NOS3: variants seen among roughly 807,000 people sequenced by gnomAD.
NOS3 encodes the protein nitric oxide synthase 3, also known as NOS type III.
A neutral mutation model predicts 144.9 loss-of-function variants in NOS3; 98 were observed. The observed-to-expected ratio is 0.68, with a 90% CI of 0.57 to 0.80. The LOEUF (loss-of-function observed/expected upper bound fraction) is 0.80, where lower values mean the gene tolerates loss of function less well. NOS3 is among the 30% of genes least tolerant of loss of function. NOS3 has a pLI of 0.00. For missense variants in NOS3, 1,465 were observed against 1,656.4 expected, an observed-to-expected ratio of 0.88 and a Z score of 2.01; for synonymous variants, 714 against 702.4, an observed-to-expected ratio of 1.02 and a Z score of -0.26.
At position 150,991,088 on chromosome 7, in the gene NOS3, A is replaced by C. The variant is rs551962759; in HGVS notation, c.-264A>C. ...CTAGGGGCAAGGAGACGAAGAGAAC[A>C]TGAAAGTTAAACTTTAAGATGAAGA... On this transcript the variant is annotated 5_prime_UTR_variant, in exon 1 of 27. An upstream start codon of the reference 5' UTR is lost. Coordinates refer to ENST00000297494, the MANE Select transcript of NOS3 (RefSeq NM_000603.5). 57 of 152,408 alleles carry C rather than the reference A, an allele frequency of 3.7e-4. No homozygotes were observed. The highest frequency in any genetic ancestry group is 1.3e-3 in the African/African-American group (52 of 41,588). 9.4% of individuals were successfully genotyped at this position (152,408 alleles called of 1,614,324 possible).
rs959698159 is a variant in NOS3, at chr7:150,997,850, C to T, written c.583-507C>T. Among the ~76,000 whole-genome samples, 7 of 152,308 alleles carry T rather than the reference C, an allele frequency of 4.6e-5. No individual in the cohort carries two copies. The East Asian group carries it at 1.3e-3, about 29-fold the overall frequency. On this transcript the variant is annotated intron_variant, in intron 5 of 26. Transcript: ENST00000297494. ...TGTCACTGACACATGTTTCCTCCTC[C>T]CTCAGGCAGGAGTGGGACCTCCCAG...
rs748835278 is a variant in NOS3, at chr7:151,010,671, G to A, written c.2760G>A (p.Ser920=). The A allele has an allele frequency of 5.5e-5, 89 of 1,608,470 alleles. No individual in the cohort carries two copies. The highest frequency in any genetic ancestry group is 7.0e-5 in the Non-Finnish European group (83 of 1,177,928). ...TGGAGGTGCTGGAGCAGTTCCCGTC[G>A]GTGGCGCTGCCTGCCCCACTGCTCC... ...TLLEVLEQFP[S]VALPAPLLLT... The change falls in exon 22 of 27, where the codon TCG becomes TCA. Residue 920 remains serine, a synonymous_variant. Coordinates refer to ENST00000297494, the MANE Select transcript of NOS3 (RefSeq NM_000603.5).
rs181342641 is a variant in NOS3, at chr7:151,002,228, T to C, written c.1676T>C (p.Val559Ala). 1 of 1,600,206 alleles carries C rather than the reference T, an allele frequency of 6.2e-7. No individual in the cohort carries two copies. The highest frequency in any genetic ancestry group is 2.2e-5 in the East Asian group (1 of 44,598). ...RVLCMDEYDV[V>A]SLEHETLVLV... ...CTGTGTATGGATGAGTATGACGTGG[T>C]GTCCCTCGAACACGAGACGCTGGTG... is the stretch of plus-strand genomic sequence containing the variant. Residue 559 changes from valine (V) to alanine (A), a missense_variant, in exon 14 of 27, where the codon GTG becomes GCG. Val to Ala is a moderately conservative substitution (Grantham distance 64, BLOSUM62 0). Around this residue, in one of 5 missense-constraint regions of NOS3, gnomAD observed 745 missense variants for 853.9 expected, o/e 0.87. Coordinates refer to ENST00000297494, the MANE Select transcript of NOS3 (RefSeq NM_000603.5). The surrounding 1 kb of genome is among the most constrained non-coding windows in gnomAD (Gnocchi z 4.1).
In NOS3 at chr7:151,011,127, T is replaced by C. The variant is rs149641163; in HGVS notation, c.2984+141T>C. 1.2e-3 allele frequency: 750 copies of C among 633,424 alleles called. 8 individuals are homozygous for C. The East Asian group carries it at 0.018, about 15-fold the overall frequency. 39.2% of individuals were successfully genotyped at this position (633,424 alleles called of 1,614,324 possible). A position where few individuals can be genotyped will look rare whatever the true frequency, so the allele number is the denominator to read the frequency against. ...CAAGGGTGTGGTGTCATTAGGTCAC[T>C]TCAGAACTCTGGCTAAGCTTTGGCT... On this transcript the variant is annotated intron_variant, in intron 23 of 26. Coordinates refer to ENST00000297494, the MANE Select transcript of NOS3 (RefSeq NM_000603.5).
Position 150,993,777 on chromosome 7 carries a change from C to G in NOS3, c.-27C>G, listed in dbSNP as rs768650220. ...GGAAAAGGCCAGGGCTCTGCTGGAGCAGGCAGCAGAGTGGACGCACAGTAA... is the reference window on the plus strand; with the variant it reads ...GGAAAAGGCCAGGGCTCTGCTGGAGGAGGCAGCAGAGTGGACGCACAGTAA... On this transcript the variant is annotated 5_prime_UTR_variant, in exon 2 of 27. Transcript: ENST00000297494. The surrounding 1 kb of genome is among the most constrained non-coding windows in gnomAD (Gnocchi z 4.0). The G allele has an allele frequency of 1.9e-6, 3 of 1,573,606 alleles. No homozygotes were observed. Among genetic ancestry groups the G allele is most frequent in the Non-Finnish European group, 2.6e-6 (3 of 1,167,170 alleles).
At position 150,998,472 on chromosome 7, in the gene NOS3, G is replaced by A; in HGVS notation, c.674+24G>A. ...CGGTGAGTGCCCCCCACCATGCCAG[G>A]CCCCAGCCTTCTTCCCCAAGGCAGG... On this transcript the variant is annotated intron_variant, in intron 6 of 26. Transcript: ENST00000297494. This position sits in a 1 kb window ranked among gnomAD's most constrained non-coding sequence, Gnocchi z 5.0. 6.2e-7 allele frequency: 1 copy of A among 1,611,582 alleles called. No homozygotes were observed.
chr7:150,998,914 C>G lies in NOS3; in HGVS notation c.817-32C>G, dbSNP rs1010513390. 1 of 1,595,628 alleles carries G rather than the reference C, an allele frequency of 6.3e-7. No individual in the cohort carries two copies. The highest frequency in any genetic ancestry group is 8.5e-7 in the Non-Finnish European group (1 of 1,172,266). On this transcript the variant is annotated intron_variant, in intron 7 of 26. Transcript: ENST00000297494. This position sits in a 1 kb window ranked among gnomAD's most constrained non-coding sequence, Gnocchi z 5.0. Reference sequence around the variant, plus strand: ...TCCCTGAGGAGGGCATGAGGCTCAGCCCCAGAACCCCCTCTGGCCCACTCC... The same window carrying G: ...TCCCTGAGGAGGGCATGAGGCTCAGGCCCAGAACCCCCTCTGGCCCACTCC...
chr7:151,002,288 C>T lies in NOS3; in HGVS notation c.1736C>T (p.Pro579Leu). Residue 579 changes from proline (P) to leucine (L), a missense_variant, in exon 14 of 27, where the codon CCC becomes CTC. By Grantham distance (98) the Pro-to-Leu change is moderately conservative. Transcript: ENST00000297494. This position sits in a 1 kb window ranked among gnomAD's most constrained non-coding sequence, Gnocchi z 4.1. Reference protein sequence around the residue: ...VVTSTFGNGDPPENGESFAAA... With the variant: ...VVTSTFGNGDLPENGESFAAA... Reference sequence around the variant, plus strand: ...ACCAGCACATTTGGGAATGGGGATCCCCCGGAGAATGGAGAGGTGAGAACT... The same window carrying T: ...ACCAGCACATTTGGGAATGGGGATCTCCCGGAGAATGGAGAGGTGAGAACT... 1 of 1,590,452 alleles carries T rather than the reference C, an allele frequency of 6.3e-7. No homozygotes were observed. The highest frequency in any genetic ancestry group is 8.6e-7 in the Non-Finnish European group (1 of 1,166,848).
chr7:150,994,653 T>C (rs943610422), intron 2 of NOS3, among the ~76,000 whole-genome samples: 2 of 152,146 alleles, frequency 1.3e-5, no homozygotes, highest in African/African-American at 4.8e-5. Flanking sequence ...CAGGCAGCTA[T>C]GCAGGGAAGG....
At chr7:151,013,086 C>A in intron 24 of NOS3, 145 bp from the exon 25 acceptor site, 2 of 869,360 alleles carry the variant, frequency 2.3e-6, no homozygotes, top group Non-Finnish European at 3.6e-6. Context: ...GCATTCTACA[C>A]TCTCTTAGAG....
intron 15 of NOS3, among the ~76,000 whole-genome samples, 159 bp from the exon 16 acceptor site, chr7:151,006,730 G>A (rs1795211392): frequency 1.3e-5 from 2 of 152,190 alleles, no homozygotes; most frequent in Non-Finnish European, 1.5e-5. Context: ...AGGGCCCCAG[G>A]CTCGGAACCC....
intron 5 of NOS3, among the ~76,000 whole-genome samples, chr7:150,997,414 C>T (rs956604806): frequency 6.6e-6 from 1 of 152,142 alleles, no homozygotes; most frequent in Non-Finnish European, 1.5e-5. Context: ...TCCCGCCAGG[C>T]CAGTCCAGTG....
In NOS3 at chr7:150,993,204, T is replaced by G. The variant is rs3918163; in HGVS notation, c.-51-549T>G. 2.0e-5 allele frequency among the ~76,000 whole-genome samples: 3 copies of G among 152,124 alleles called. No homozygotes were observed. The highest frequency in any genetic ancestry group is 2.9e-5 in the Non-Finnish European group (2 of 68,012). ...GTCAGACTCAAGGACAAAAAGTCAC[T>G]ACATCCTTGCTGGGCCTCTATCCCC... is the stretch of plus-strand genomic sequence containing the variant. On this transcript the variant is annotated intron_variant, in intron 1 of 26. Transcript: ENST00000297494. The surrounding 1 kb of genome is among the most constrained non-coding windows in gnomAD (Gnocchi z 4.0).
At chr7:151,013,527 C>T in intron 25 of NOS3, 148 bp downstream of exon 25, 1 of 1,190,342 alleles carries the variant, frequency 8.4e-7, no homozygotes, top group South Asian at 1.6e-5. Flanking sequence ...CACCCTTGTG[C>T]CCCGGCCCCT....
In NOS3 at chr7:151,013,889, G is replaced by A. The variant is rs1164935920; in HGVS notation, c.3421G>A (p.Glu1141Lys). 5 of 1,600,654 alleles carry A rather than the reference G, an allele frequency of 3.1e-6. No homozygotes were observed. The highest frequency in any genetic ancestry group is 2.2e-5 in the South Asian group (2 of 89,396). ...LATEGDMELD[E>K]AGDVIGVLRD... The stretch of plus-strand genomic sequence containing the variant: ...GACGGAGGGCGACATGGAGCTGGAC[G>A]AGGCCGGCGACGTCATCGGCGTGCT... The change falls in exon 26 of 27, where the codon GAG (glutamate) becomes AAG (lysine). Residue 1141 changes from glutamate to lysine, a missense_variant. This residue lies in a region of NOS3 where 228 missense variants were observed against 227.7 expected (regional missense o/e 1.00). Transcript: ENST00000297494.
chr7:151,008,590 A>C (rs902491693), intron 17 of NOS3, among the ~76,000 whole-genome samples: 2 of 152,236 alleles, frequency 1.3e-5, no homozygotes, highest in African/African-American at 2.4e-5. Context: ...TGTCACTGTA[A>C]GTACGGGATT....
chr7:151,011,297 G>A (rs944707628), intron 23 of NOS3, among the ~76,000 whole-genome samples: 4 of 151,928 alleles, frequency 2.6e-5, no homozygotes, highest in Non-Finnish European at 5.9e-5. Flanking sequence ...TGGGCAGCAT[G>A]GCACCTGGGA....
chr7:150,998,753 G>T lies in NOS3; in HGVS notation c.816+73G>T. The T allele has an allele frequency of 5.2e-6, 8 of 1,539,440 alleles. No individual in the cohort carries two copies. Among genetic ancestry groups the T allele is most frequent in the Non-Finnish European group, 7.0e-6 (8 of 1,136,776 alleles). ...AGGAAACCAGTGGGAGAAGGCTCGG[G>T]GGATCCAGGCAGGAAGAGGGGAGCC... On this transcript the variant is annotated intron_variant, in intron 7 of 26. Coordinates refer to ENST00000297494, the MANE Select transcript of NOS3 (RefSeq NM_000603.5). The surrounding 1 kb of genome is among the most constrained non-coding windows in gnomAD (Gnocchi z 5.0).
chr7:151,010,506 C>T (rs1795281180), intron 21 of NOS3, 91 bp from the exon 22 acceptor site: 1 of 1,320,266 alleles, frequency 7.6e-7, no homozygotes, highest in Non-Finnish European at 1.0e-6. Context: ...CAGGGAGAAA[C>T]CCTAAAGAGG....
Sources: allele counts gnomAD v4.1 joint callset (sites outside exome capture counted in the v4.1 genomes callset), GRCh38; gene constraint gnomAD v4.1.1; regional missense constraint gnomAD v4.1.1; non-coding constraint Gnocchi (gnomAD v3.1); transcripts MANE v1.5; gene names NCBI Gene and HGNC (gene_info 2026-07-23, HGNC 2026-07-21).